The following RBM43 variants were observed in gnomAD, a reference collection of about 807,000 sequenced individuals.
RBM43 encodes RNA-binding protein 43.
In RBM43, 12 loss-of-function variants were observed where a neutral mutation model predicts 12.4. The ratio of observed to expected loss-of-function variants is 0.97; its 90% CI spans 0.62 to 1.57. The LOEUF is 1.57. RBM43 is among the 40% of genes most tolerant of loss of function. The pLI is 0.00. For synonymous variants in RBM43, 138 were observed against 145.7 expected (o/e 0.95, Z 0.38); for missense variants, 348 against 400.1 (o/e 0.87, Z 1.11).
Position 151,255,205 on chromosome 2 carries a change from A to G in RBM43, c.214+328T>C, listed in dbSNP as rs951527999. On this transcript the variant is annotated intron_variant, in intron 2 of 3. Transcript: ENST00000331426. The stretch of plus-strand genomic sequence containing the variant: ...TGAGGCAGGCAGATCACTTGAGGTC[A>G]GGAGTTCGAGACCAACCTGGCCAAC... Among the ~76,000 whole-genome samples, 5 of 152,142 alleles carry G rather than the reference A, an allele frequency of 3.3e-5. 1 individual carries two copies. The highest frequency in any genetic ancestry group is 6.5e-5 in the Admixed American group (1 of 15,280).
At chr2:151,255,846 C>T (rs528392689) in intron 1 of RBM43, 103 bp from the exon 2 acceptor site, 12 of 844,564 alleles carry the variant, frequency 1.4e-5, no homozygotes, top group South Asian at 3.2e-5. Flanking sequence ...ATAAAAGTGC[C>T]GGTGCAGCTG....
At position 151,255,348 on chromosome 2, in the gene RBM43, G is replaced by A. The variant is rs367788388; in HGVS notation, c.214+185C>T. 4.7e-4 allele frequency among the ~76,000 whole-genome samples: 72 copies of A among 152,054 alleles called. 1 individual carries two copies. In the South Asian group the frequency reaches 0.014, roughly 29 times the overall value. ...CAGGAGAATCACTTGAACCTGGGAG[G>A]CAGAGGTTGCAGTGAGCTGAGATCA... is the stretch of plus-strand genomic sequence containing the variant. On this transcript the variant is annotated intron_variant, in intron 2 of 3. Coordinates refer to ENST00000331426, the MANE Select transcript of RBM43 (RefSeq NM_198557.3).
intron 3 of RBM43, among the ~76,000 whole-genome samples, chr2:151,252,187 G>C (rs2105189471): frequency 6.6e-6 from 1 of 152,166 alleles, no homozygotes; most frequent in South Asian, 2.1e-4. Flanking sequence ...GTTGGTACCT[G>C]GCATCATCCA....
At position 151,249,307 on chromosome 2, in the gene RBM43, A is replaced by T. The variant is rs947940924; in HGVS notation, c.*1599T>A. 1.3e-5 allele frequency: 2 copies of T among 152,112 alleles called. No homozygotes were observed. The highest frequency in any genetic ancestry group is 1.9e-4 in the East Asian group (1 of 5,180). 9.4% of individuals were successfully genotyped at this position (152,112 alleles called of 1,614,324 possible). A position where few individuals can be genotyped will look rare whatever the true frequency, so the allele number is the denominator to read the frequency against. The stretch of plus-strand genomic sequence containing the variant: ...ATTTCAATTCTAGGTGATCTTTAGT[A>T]TGTCCAACAAACAAAGAGAAGGTTG... On this transcript the variant is annotated 3_prime_UTR_variant, in exon 4 of 4. Coordinates refer to ENST00000331426, the MANE Select transcript of RBM43 (RefSeq NM_198557.3).
Position 151,251,569 on chromosome 2 carries a change from CG to C in RBM43, c.410del (p.Pro137ArgfsTer3). 1 of 1,613,992 alleles carries C rather than the reference CG, an allele frequency of 6.2e-7. No individual in the cohort carries two copies. Among genetic ancestry groups the C allele is most frequent in the Non-Finnish European group, 8.5e-7 (1 of 1,179,996 alleles). ...TLVKDLKKKI[P>X]SLSFSPLKPN... ...GTTTCAAAGGACTGAAGCTTAAACTCGGGATTTTTTTTTTCAGGTCTTTTAC... is the reference window on the plus strand; with the variant it reads ...GTTTCAAAGGACTGAAGCTTAAACTCGGATTTTTTTTTTCAGGTCTTTTAC... On this transcript the variant is annotated frameshift_variant, in exon 4 of 4. Coordinates refer to ENST00000331426, the MANE Select transcript of RBM43 (RefSeq NM_198557.3). LOFTEE classifies it low-confidence loss of function (END_TRUNC).
intron 3 of RBM43, among the ~76,000 whole-genome samples, chr2:151,252,482 C>T (rs1439232353): frequency 6.6e-6 from 1 of 152,152 alleles, no homozygotes; most frequent in Non-Finnish European, 1.5e-5. Flanking sequence ...AAGATTATGC[C>T]ACTGCCTGGG....
rs1682902101 is a variant in RBM43, at chr2:151,251,437, G to C, written c.543C>G (p.Thr181=). The C allele has an allele frequency of 1.2e-6, 2 of 1,613,994 alleles. No homozygotes were observed. Among genetic ancestry groups the C allele is most frequent in the African/African-American group, 1.3e-5 (1 of 74,914 alleles). ...GTCTATTCCACTTTCTCTCCTCACT[G>C]GTAAAATTTCTGTCTTTTTCTAAGA... ...CSLLEKDRNF[T]SEERKWNRQN... is the part of the protein sequence containing the mutation. The change falls in exon 4 of 4, where the codon ACC becomes ACG. Residue 181 remains threonine, a synonymous_variant. Transcript: ENST00000331426.
At chr2:151,257,631 T>TCAAGCCGA (rs1271033335) in intron 1 of RBM43, among the ~76,000 whole-genome samples, 1 of 151,930 alleles carries the variant, frequency 6.6e-6, no homozygotes, top group African/African-American at 2.4e-5. Context: ...AGGCGGAGGT[T>TCAAGCCGA]GGGGTGAGCC....
At chr2:151,257,332 AAACAC>A (rs774695397) in intron 1 of RBM43, among the ~76,000 whole-genome samples, 2 of 150,908 alleles carry the variant, frequency 1.3e-5, no homozygotes, top group Non-Finnish European at 3.0e-5. Context: ...ACACACACAC[AAACAC>A]ACACACACAC....
At position 151,252,800 on chromosome 2, in the gene RBM43, A is replaced by G. The variant is rs1682921969; in HGVS notation, c.270T>C (p.His90=). 1 of 1,612,066 alleles carries G rather than the reference A, an allele frequency of 6.2e-7. No individual in the cohort carries two copies. Among genetic ancestry groups the G allele is most frequent in the Admixed American group, 1.7e-5 (1 of 60,002 alleles). ...KKHWLARKTR[H]AELTVSLRVS... is the part of the protein sequence containing the mutation. ...CTCTGAGAGAGACTGTGAGTTCAGC[A>G]TGTCTAGTCTTCCTTGCTAGCCAGT... The change falls in exon 3 of 4, where the codon CAT becomes CAC. Residue 90 remains histidine (H), a synonymous_variant. Transcript: ENST00000331426.
chr2:151,261,558 CG>C, intron 1 of RBM43, 166 bp downstream of exon 1: 1 of 1,542,848 alleles, frequency 6.5e-7, no homozygotes, highest in Admixed American at 2.0e-5. Context: ...CCGGGGTGGA[CG>C]GCTCTCCGGG....
Position 151,250,850 on chromosome 2 carries a change from A to G in RBM43, c.*56T>C, listed in dbSNP as rs1682889660. 1 of 1,291,002 alleles carries G rather than the reference A, an allele frequency of 7.7e-7. No individual in the cohort carries two copies. Among genetic ancestry groups the G allele is most frequent in the Non-Finnish European group, 1.1e-6 (1 of 930,030 alleles). 80.0% of individuals were successfully genotyped at this position (1,291,002 alleles called of 1,614,324 possible). A position where few individuals can be genotyped will look rare whatever the true frequency, so the allele number is the denominator to read the frequency against. On this transcript the variant is annotated 3_prime_UTR_variant, in exon 4 of 4. Transcript: ENST00000331426. ...TGTAAAGCTAGCCTCATTCATGGCAATGGTCACTGCTCAGCAAGAGAAAGC... is the reference window on the plus strand; with the variant it reads ...TGTAAAGCTAGCCTCATTCATGGCAGTGGTCACTGCTCAGCAAGAGAAAGC...
chr2:151,256,760 A>C (rs1383742264), intron 1 of RBM43, among the ~76,000 whole-genome samples: 1 of 152,174 alleles, frequency 6.6e-6, no homozygotes, highest in Non-Finnish European at 1.5e-5. Context: ...CGGGGGTTGC[A>C]GTGAGTCCAG....
intron 1 of RBM43, among the ~76,000 whole-genome samples, chr2:151,256,108 C>A (rs1376346513): frequency 6.8e-6 from 1 of 147,882 alleles, no homozygotes; most frequent in East Asian, 1.9e-4. Context: ...ATTACAGGTG[C>A]CCACCACCAC....
chr2:151,261,054 C>T, intron 1 of RBM43: 1 of 578,368 alleles, frequency 1.7e-6, no homozygotes, highest in African/African-American at 1.9e-5. Flanking sequence ...GCCACCAGGT[C>T]AACAAAAACG....
chr2:151,254,226 G>A (rs1318231447), intron 2 of RBM43, among the ~76,000 whole-genome samples: 1 of 152,060 alleles, frequency 6.6e-6, no homozygotes, highest in African/African-American at 2.4e-5. Context: ...TCAAGACCCA[G>A]CATGCTGCCT....
chr2:151,260,758 T>C (rs1470009342), intron 1 of RBM43, among the ~76,000 whole-genome samples: 1 of 152,200 alleles, frequency 6.6e-6, no homozygotes, highest in Non-Finnish European at 1.5e-5. Context: ...TGTTCATCTC[T>C]TCTACCCACG....
Position 151,261,156 on chromosome 2 carries a change from A to G in RBM43, c.3+569T>C, listed in dbSNP as rs1683040501. The G allele has an allele frequency of 4.3e-5, 58 of 1,363,484 alleles. 1 individual carries two copies. In the South Asian group the frequency reaches 7.7e-4, roughly 18 times the overall value. 84.5% of individuals were successfully genotyped at this position (1,363,484 alleles called of 1,614,324 possible). A position where few individuals can be genotyped will look rare whatever the true frequency, so the allele number is the denominator to read the frequency against. The stretch of plus-strand genomic sequence containing the variant: ...TTAAGCGATTGATGGAAACAAAACA[A>G]AACACAGAAGGATAAATTTTGAATT... On this transcript the variant is annotated intron_variant, in intron 1 of 3. Coordinates refer to ENST00000331426, the MANE Select transcript of RBM43 (RefSeq NM_198557.3).
Position 151,255,555 on chromosome 2 carries a change from A to T in RBM43, c.192T>A (p.Tyr64Ter). Residue 64 changes from tyrosine (Y) to a stop codon, truncating the protein, a stop_gained, in exon 2 of 4, where the codon TAT becomes TAA. Transcript: ENST00000331426. LOFTEE classifies it high-confidence loss of function. The stretch of plus-strand genomic sequence containing the variant: ...TACCTTTTTTTTCTTTGAATATTAC[A>T]TATGCAACTCCCTTGGTTCTTGTCG... ...IYPTRTKGVAYVIFKEKKVAE... is the reference protein window; with the variant it reads ...IYPTRTKGVA 1.2e-5 allele frequency: 19 copies of T among 1,612,696 alleles called. No homozygotes were observed. The highest frequency in any genetic ancestry group is 1.5e-5 in the Non-Finnish European group (18 of 1,178,976).
Sources: gnomAD v4.1 joint callset for allele counts (sites outside exome capture counted in the v4.1 genomes callset) on GRCh38, gnomAD v4.1.1 for gene constraint, MANE v1.5 for transcripts, NCBI Gene and HGNC (gene_info 2026-07-23, HGNC 2026-07-21) for gene names.